The following NXN variants were observed in gnomAD, a reference collection of about 807,000 sequenced individuals.
The protein encoded by NXN is nucleoredoxin, also known as nucleoredoxin 1.
NXN carries 16 observed loss-of-function variants against 48.6 expected under a neutral mutation model. That is an observed-to-expected ratio of 0.33 (90% CI 0.22 to 0.50). The LOEUF (loss-of-function observed/expected upper bound fraction) is 0.50, where lower values mean the gene tolerates loss of function less well. Among genes scored for constraint, NXN ranks in the 20% least tolerant of loss-of-function variants. The probability of loss-of-function intolerance (pLI) is 0.98; values close to 1 mark genes in which losing one functional copy is unlikely to be tolerated. For synonymous variants in NXN, 281 were observed against 269.6 expected, an observed-to-expected ratio of 1.04 and a Z score of -0.41; for missense variants, 492 against 605.5, an observed-to-expected ratio of 0.81 and a Z score of 1.97.
rs1376234284 is a variant in NXN, at chr17:958,931, T to TA, written c.360+20387dup. On this transcript the variant is annotated intron_variant, in intron 1 of 7. Transcript: ENST00000336868. This position sits in a 1 kb window ranked among gnomAD's most constrained non-coding sequence, Gnocchi z 6.9. ...TGGGTGACAGCCTGAGACTTGTCTT[T>TA]AAAAAAGAAACACACACACACACAT... is the stretch of plus-strand genomic sequence containing the variant. 3 of 155,906 alleles carry TA rather than the reference T, an allele frequency of 1.9e-5. No individual in the cohort carries two copies. Among genetic ancestry groups the TA allele is most frequent in the Admixed American group, 6.5e-5 (1 of 15,298 alleles). The allele number at this position is 155,906 out of a possible 1,614,324, so 9.7% of individuals were successfully genotyped here.
At chr17:972,527 C>G (rs1204834438) in intron 1 of NXN, among the ~76,000 whole-genome samples, 4 of 152,076 alleles carry the variant, frequency 2.6e-5, no homozygotes, top group Admixed American at 6.5e-5. Flanking sequence ...CAAGCCTGTG[C>G]TCTCCTGGCC....
intron 1 of NXN, among the ~76,000 whole-genome samples, chr17:904,966 TCTG>T (rs1368271351): frequency 1.3e-5 from 2 of 152,114 alleles, no homozygotes; most frequent in African/African-American, 2.4e-5. Flanking sequence ...TTTCCCGTCT[TCTG>T]CTCCTCTTCA....
intron 1 of NXN, among the ~76,000 whole-genome samples, chr17:848,585 A>G (rs1463122329): frequency 6.6e-6 from 1 of 152,238 alleles, no homozygotes; most frequent in Non-Finnish European, 1.5e-5. Flanking sequence ...CACAAAGTCC[A>G]AGGCTCTGGC....
intron 5 of NXN, among the ~76,000 whole-genome samples, chr17:812,607 A>AT (rs1912141924): frequency 6.6e-6 from 1 of 150,544 alleles, no homozygotes; most frequent in African/African-American, 2.5e-5. Flanking sequence ...GCGAGTGTGC[A>AT]TTGTGTGAGT....
intron 1 of NXN, among the ~76,000 whole-genome samples, chr17:846,276 G>T (rs1487105925): frequency 1.3e-5 from 2 of 151,860 alleles, no homozygotes; most frequent in Non-Finnish European, 2.9e-5. Flanking sequence ...ACTAAAATTA[G>T]CTGTGGTGGT....
At chr17:880,945 C>G (rs1322202093) in intron 1 of NXN, among the ~76,000 whole-genome samples, 1 of 152,166 alleles carries the variant, frequency 6.6e-6, no homozygotes, top group Non-Finnish European at 1.5e-5. Flanking sequence ...TGACTGGTTC[C>G]TGTGGTTCAA....
chr17:835,177 G>A (rs950459975), intron 1 of NXN, among the ~76,000 whole-genome samples: 16 of 151,532 alleles, frequency 1.1e-4, no homozygotes, highest in Non-Finnish European at 1.6e-4. Flanking sequence ...GTGTGGTGAC[G>A]GGTGCCTGTA....
At chr17:977,009 G>A (rs567810984) in intron 1 of NXN, among the ~76,000 whole-genome samples, 22 of 152,212 alleles carry the variant, frequency 1.4e-4, no homozygotes, top group African/African-American at 4.8e-4. Context: ...CAGGTGATCC[G>A]CCCACCTCAG....
At chr17:963,949 C>T (rs543001973) in intron 1 of NXN, among the ~76,000 whole-genome samples, 39 of 148,770 alleles carry the variant, frequency 2.6e-4, no homozygotes, top group South Asian at 6.5e-4. Flanking sequence ...TGGTGGCGGG[C>T]GCCTGTAATC....
At chr17:868,642 C>T (rs940939844) in intron 1 of NXN, among the ~76,000 whole-genome samples, 8 of 152,158 alleles carry the variant, frequency 5.3e-5, no homozygotes, top group South Asian at 4.1e-4. Context: ...CAGGCGCCCA[C>T]CACCACGCCC....
At chr17:946,731 G>A (rs978671784) in intron 1 of NXN, among the ~76,000 whole-genome samples, 1 of 152,224 alleles carries the variant, frequency 6.6e-6, no homozygotes, top group Non-Finnish European at 1.5e-5. Flanking sequence ...CGACTGTACC[G>A]CTGACGGGCT....
chr17:909,083 A>T (rs2068607797), intron 1 of NXN, among the ~76,000 whole-genome samples: 1 of 138,264 alleles, frequency 7.2e-6, no homozygotes, highest in African/African-American at 2.8e-5. Context: ...TGGGCGACAG[A>T]GTGAGACTTC....
At chr17:972,640 T>G (rs982587257) in intron 1 of NXN, among the ~76,000 whole-genome samples, 5 of 151,702 alleles carry the variant, frequency 3.3e-5, no homozygotes, top group Non-Finnish European at 5.9e-5. Flanking sequence ...CCCCAAGGGG[T>G]TTGTTCAACC....
chr17:900,156 T>C (rs752630570), intron 1 of NXN, among the ~76,000 whole-genome samples: 4 of 151,868 alleles, frequency 2.6e-5, no homozygotes, highest in Non-Finnish European at 5.9e-5. Flanking sequence ...TCCCAGCTAC[T>C]TAGGAGGCTG....
At chr17:805,041 C>T (rs780561850) in intron 6 of NXN, 27 bp downstream of exon 6, 16 of 1,531,450 alleles carry the variant, frequency 1.0e-5, no homozygotes, top group African/African-American at 2.7e-5. Context: ...AGCCACCCCT[C>T]GCCCCCTGCC....
In NXN at chr17:978,940, G is replaced by A. The variant is rs972867019; in HGVS notation, c.360+379C>T. Among the ~76,000 whole-genome samples, 6 of 151,052 alleles carry A rather than the reference G, an allele frequency of 4.0e-5. No individual in the cohort carries two copies. Among genetic ancestry groups the A allele is most frequent in the African/African-American group, 1.5e-4 (6 of 41,102 alleles). On this transcript the variant is annotated intron_variant, in intron 1 of 7. Coordinates refer to ENST00000336868, the MANE Select transcript of NXN (RefSeq NM_022463.5). The surrounding 1 kb of genome is among the most constrained non-coding windows in gnomAD (Gnocchi z 4.1). ...TCGCGGGTGAAGGGGTCGCGGAACC[G>A]GGATCCCCGAGCGCAGCCGCCCCCA...
intron 1 of NXN, among the ~76,000 whole-genome samples, chr17:831,995 C>T (rs886336274): frequency 4.6e-5 from 7 of 150,858 alleles, no homozygotes; most frequent in Non-Finnish European, 1.0e-4. Flanking sequence ...GGGGCTCCCA[C>T]AAGCAAATGC....
At chr17:834,865 G>C (rs968196155) in intron 1 of NXN, among the ~76,000 whole-genome samples, 1 of 150,066 alleles carries the variant, frequency 6.7e-6, no homozygotes, top group Non-Finnish European at 1.5e-5. Context: ...CATGTTGGCT[G>C]GGCTGGTCTC....
chr17:816,043 C>T (rs1048907912), intron 5 of NXN, among the ~76,000 whole-genome samples: 2 of 152,154 alleles, frequency 1.3e-5, no homozygotes, highest in Admixed American at 6.5e-5. Flanking sequence ...ATGGAAAATC[C>T]ACAGCCATCA....
Sources: allele counts gnomAD v4.1 joint callset (sites outside exome capture counted in the v4.1 genomes callset), GRCh38; gene constraint gnomAD v4.1.1; non-coding constraint Gnocchi (gnomAD v3.1); transcripts MANE v1.5; gene names NCBI Gene and HGNC (gene_info 2026-07-23, HGNC 2026-07-21).